BBX: variants seen among roughly 807,000 people sequenced by gnomAD.
The protein encoded by BBX is HMG box transcription factor BBX.
BBX carries 30 observed loss-of-function variants against 100.2 expected under a neutral mutation model. The observed-to-expected ratio is 0.30, with a 90% CI of 0.22 to 0.41. The LOEUF is 0.41. BBX is among the 10% of genes least tolerant of loss of function. The pLI, the probability that BBX is intolerant of heterozygous loss-of-function variation, is 1.00. For missense variants in BBX, 1,023 were observed against 1,129.8 expected, an observed-to-expected ratio of 0.91 and a Z score of 1.35; for synonymous variants, 376 against 388.1, an observed-to-expected ratio of 0.97 and a Z score of 0.37.
chr3:107,747,223 G>A (rs543311174), intron 8 of BBX, among the ~76,000 whole-genome samples: 10 of 151,046 alleles, frequency 6.6e-5, no homozygotes, highest in Admixed American at 5.2e-4. Context: ...ACACACTAAC[G>A]TGTGAGTGTG....
chr3:107,688,252 C>T (rs766842927), intron 3 of BBX, among the ~76,000 whole-genome samples: 9 of 152,182 alleles, frequency 5.9e-5, no homozygotes, highest in Admixed American at 4.6e-4. Context: ...GTTACCTGAC[C>T]TATTTCCTGT....
At chr3:107,680,762 AGTTCTTATG>A (rs1324710819) in intron 3 of BBX, among the ~76,000 whole-genome samples, 3 of 152,180 alleles carry the variant, frequency 2.0e-5, no homozygotes, top group African/African-American at 7.2e-5. Context: ...GTGATCATGA[AGTTCTTATG>A]GTTTAAAAAA....
At chr3:107,529,026 A>T (rs1559777125) in intron 2 of BBX, among the ~76,000 whole-genome samples, 1 of 152,186 alleles carries the variant, frequency 6.6e-6, no homozygotes, top group African/African-American at 2.4e-5. Context: ...CTATACTACT[A>T]AAAAAAGAAC....
intron 2 of BBX, among the ~76,000 whole-genome samples, chr3:107,535,575 A>G (rs1028000430): frequency 1.4e-5 from 2 of 147,274 alleles, no homozygotes; most frequent in South Asian, 2.1e-4. Context: ...AATATTCTAT[A>G]TCGTTTGTGC....
At chr3:107,653,020 G>A (rs1183593240) in intron 3 of BBX, among the ~76,000 whole-genome samples, 3 of 152,102 alleles carry the variant, frequency 2.0e-5, no homozygotes, top group African/African-American at 4.8e-5. Context: ...TGATGAATTC[G>A]TATTACAGGA....
intron 5 of BBX, among the ~76,000 whole-genome samples, chr3:107,718,319 ATAAT>A (rs1267396063): frequency 5.4e-5 from 8 of 148,530 alleles, no homozygotes; most frequent in Admixed American, 2.0e-4. Flanking sequence ...TAATAATTAT[ATAAT>A]TAATCATACA....
chr3:107,639,063 A>T (rs2057038802), intron 2 of BBX, among the ~76,000 whole-genome samples: 1 of 152,126 alleles, frequency 6.6e-6, no homozygotes, highest in Admixed American at 6.5e-5. Context: ...TTAATAAGGG[A>T]AAATAAGAGA....
At chr3:107,711,228 T>C (rs756887522) in intron 4 of BBX, 28 of 432,438 alleles carry the variant, frequency 6.5e-5, no homozygotes, top group South Asian at 4.4e-4. Context: ...TTATTGCTAT[T>C]TGCCATGTAT....
At chr3:107,682,580 A>G (rs928957666) in intron 3 of BBX, among the ~76,000 whole-genome samples, 8 of 152,140 alleles carry the variant, frequency 5.3e-5, no homozygotes, top group African/African-American at 1.9e-4. Context: ...TAGATTCCAT[A>G]ACATTGGTTA....
At chr3:107,779,395 G>A (rs770104250) in intron 13 of BBX, among the ~76,000 whole-genome samples, 9 of 151,974 alleles carry the variant, frequency 5.9e-5, no homozygotes, top group Non-Finnish European at 1.2e-4. Context: ...GATTGATAGG[G>A]AAAATGTACC....
At chr3:107,577,795 C>T (rs544469048) in intron 2 of BBX, among the ~76,000 whole-genome samples, 2 of 151,870 alleles carry the variant, frequency 1.3e-5, no homozygotes, top group African/African-American at 4.8e-5. Context: ...ATAAGTAGAC[C>T]CCATAAGTGC....
intron 2 of BBX, among the ~76,000 whole-genome samples, chr3:107,534,141 G>A (rs928756531): frequency 6.6e-6 from 1 of 152,152 alleles, no homozygotes; most frequent in Admixed American, 6.5e-5. Context: ...CTAAGGAATT[G>A]TTTATTGATA....
Position 107,700,024 on chromosome 3 carries a change from C to G in BBX, c.-9-10428C>G, listed in dbSNP as rs927534972. 8.5e-5 allele frequency among the ~76,000 whole-genome samples: 13 copies of G among 152,066 alleles called. No individual in the cohort carries two copies. The South Asian group carries it at 2.3e-3, about 27-fold the overall frequency. On this transcript the variant is annotated intron_variant, in intron 3 of 17. Coordinates refer to ENST00000325805, the MANE Select transcript of BBX (RefSeq NM_001142568.3). ...TGAACAAATGACACTATCAAGCAGCCTGGTTCTTGGATCCTAGCTGCATTA... is the reference window on the plus strand; with the variant it reads ...TGAACAAATGACACTATCAAGCAGCGTGGTTCTTGGATCCTAGCTGCATTA...
chr3:107,529,230 T>G (rs2047989151), intron 2 of BBX, among the ~76,000 whole-genome samples: 1 of 152,246 alleles, frequency 6.6e-6, no homozygotes, highest in Non-Finnish European at 1.5e-5. Flanking sequence ...GCTTTAAGAT[T>G]TAACCTTAAG....
At chr3:107,692,170 T>TTTA (rs2060215019) in intron 3 of BBX, among the ~76,000 whole-genome samples, 1 of 148,076 alleles carries the variant, frequency 6.8e-6, no homozygotes, top group African/African-American at 2.5e-5. Context: ...TTTTTAATTA[T>TTTA]TTTATTTATT....
At chr3:107,788,556 G>T (rs2068669145) in intron 13 of BBX, among the ~76,000 whole-genome samples, 2 of 152,048 alleles carry the variant, frequency 1.3e-5, no homozygotes, top group Non-Finnish European at 2.9e-5. Context: ...GCCAAGGTGG[G>T]CGGATTGCTT....
At chr3:107,760,917 T>G (rs554151752) in intron 10 of BBX, among the ~76,000 whole-genome samples, 33 of 152,304 alleles carry the variant, frequency 2.2e-4, no homozygotes, top group African/African-American at 7.9e-4. Flanking sequence ...TTCTGAAAAT[T>G]TGGAGGACCT....
At chr3:107,791,145 A>G (rs2068976176) in intron 14 of BBX, 95 bp from the exon 15 acceptor site, 3 of 1,004,662 alleles carry the variant, frequency 3.0e-6, no homozygotes, top group Non-Finnish European at 4.5e-6. Context: ...GTGATGTTTC[A>G]AAAGTTAGTT....
chr3:107,643,479 G>T (rs1037779248), intron 2 of BBX, among the ~76,000 whole-genome samples: 2 of 152,014 alleles, frequency 1.3e-5, no homozygotes, highest in African/African-American at 4.8e-5. Flanking sequence ...TAGCGAGGCA[G>T]TGGAGCTAAT....
Sources: gnomAD v4.1 joint callset for allele counts (sites outside exome capture counted in the v4.1 genomes callset) on GRCh38, gnomAD v4.1.1 for gene constraint, MANE v1.5 for transcripts, NCBI Gene and HGNC (gene_info 2026-07-23, HGNC 2026-07-21) for gene names.